ZFPM2: variants seen among roughly 807,000 people sequenced by gnomAD.
ZFPM2 encodes the protein zinc finger protein, FOG family member 2, also known as zinc finger protein ZFPM2.
ZFPM2 carries 20 observed loss-of-function variants against 98.6 expected under a neutral mutation model. The ratio of observed to expected loss-of-function variants is 0.20; its 90% CI spans 0.14 to 0.29. The LOEUF (loss-of-function observed/expected upper bound fraction) is 0.29. Ranked by LOEUF, ZFPM2 falls within the 10% of genes least tolerant of loss-of-function variation. The pLI is 1.00. For missense variants in ZFPM2, 1,310 were observed against 1,388.6 expected (o/e 0.94, Z 0.90); for synonymous variants, 518 against 502.7 (o/e 1.03, Z -0.41).
chr8:105,587,701 C>G (rs921064680), intron 4 of ZFPM2, among the ~76,000 whole-genome samples: 5 of 152,038 alleles, frequency 3.3e-5, no homozygotes, highest in Non-Finnish European at 7.4e-5. Flanking sequence ...AAATTAGGAA[C>G]CAGAAATTAT....
At chr8:105,723,202 G>T (rs1246101113) in intron 5 of ZFPM2, among the ~76,000 whole-genome samples, 1 of 151,492 alleles carries the variant, frequency 6.6e-6, no homozygotes, top group Non-Finnish European at 1.5e-5. Context: ...ATTCTTGATT[G>T]GCTCTGTTGA....
intron 1 of ZFPM2, among the ~76,000 whole-genome samples, chr8:105,398,185 GT>G (rs887780612): frequency 1.3e-5 from 2 of 152,060 alleles, no homozygotes; most frequent in African/African-American, 4.8e-5. Flanking sequence ...AGCAAACTTG[GT>G]TTTTTGGTTT....
intron 3 of ZFPM2, among the ~76,000 whole-genome samples, chr8:105,526,890 T>G (rs2130567841): frequency 6.6e-6 from 1 of 152,306 alleles, no homozygotes; most frequent in South Asian, 2.1e-4. Flanking sequence ...AACATGGGTC[T>G]CATCCTGTCC....
At chr8:105,735,076 A>G (rs1452049009) in intron 5 of ZFPM2, among the ~76,000 whole-genome samples, 1 of 148,206 alleles carries the variant, frequency 6.7e-6, no homozygotes, top group African/African-American at 2.5e-5. Context: ...TTCCCTTTGC[A>G]CCAACCTAAT....
chr8:105,520,560 A>G (rs1254878891), intron 3 of ZFPM2, among the ~76,000 whole-genome samples: 1 of 152,134 alleles, frequency 6.6e-6, no homozygotes, highest in African/African-American at 2.4e-5. Flanking sequence ...TTATATATGT[A>G]TAGATGACAT....
chr8:105,726,905 A>G (rs1243039213), intron 5 of ZFPM2, among the ~76,000 whole-genome samples: 1 of 151,710 alleles, frequency 6.6e-6, no homozygotes, highest in East Asian at 2.0e-4. Context: ...GGGAGAATGT[A>G]TAGAACATGC....
chr8:105,576,371 A>T (rs1815468651), intron 4 of ZFPM2, among the ~76,000 whole-genome samples: 2 of 152,152 alleles, frequency 1.3e-5, no homozygotes. Context: ...AGATGAGTGA[A>T]TGATAGGGAA....
intron 1 of ZFPM2, among the ~76,000 whole-genome samples, chr8:105,351,550 T>C (rs753907171): frequency 6.6e-6 from 1 of 152,128 alleles, no homozygotes; most frequent in South Asian, 2.1e-4. Context: ...AATCCTTTCA[T>C]TGGAATCAGA....
chr8:105,798,512 T>A, intron 6 of ZFPM2: 1 of 496,358 alleles, frequency 2.0e-6, no homozygotes, highest in Non-Finnish European at 3.6e-6. Flanking sequence ...CCTCTTTCTC[T>A]AGAGTCTGTG....
chr8:105,591,841 A>G (rs1017339185), intron 4 of ZFPM2, among the ~76,000 whole-genome samples: 1 of 152,182 alleles, frequency 6.6e-6, no homozygotes, highest in African/African-American at 2.4e-5. Flanking sequence ...GGAGATGGCA[A>G]ATTTGGTATC....
intron 3 of ZFPM2, among the ~76,000 whole-genome samples, chr8:105,512,833 G>T (rs1471783719): frequency 6.6e-6 from 1 of 152,064 alleles, no homozygotes; most frequent in Non-Finnish European, 1.5e-5. Context: ...AGTACTTGGA[G>T]ATTTTTATAT....
intron 4 of ZFPM2, among the ~76,000 whole-genome samples, chr8:105,591,522 A>T (rs1347271265): frequency 6.6e-6 from 1 of 152,166 alleles, no homozygotes; most frequent in African/African-American, 2.4e-5. Context: ...TACAGTTTTA[A>T]ACTTGTACAC....
chr8:105,370,669 T>C (rs77240963), intron 1 of ZFPM2, among the ~76,000 whole-genome samples: 1 of 152,206 alleles, frequency 6.6e-6, no homozygotes, highest in African/African-American at 2.4e-5. Flanking sequence ...GCACCACAGC[T>C]CCTCTTTTGA....
At chr8:105,576,412 T>C (rs1470248929) in intron 4 of ZFPM2, among the ~76,000 whole-genome samples, 1 of 152,196 alleles carries the variant, frequency 6.6e-6, no homozygotes, top group Non-Finnish European at 1.5e-5. Flanking sequence ...AGTCCAGTGC[T>C]TATCTAGAAA....
chr8:105,442,174 A>G (rs867112230), intron 2 of ZFPM2, among the ~76,000 whole-genome samples: 2 of 131,966 alleles, frequency 1.5e-5, no homozygotes, highest in African/African-American at 6.5e-5. Context: ...TCTACTAAAA[A>G]TACAAAAAAA....
chr8:105,785,868 C>CCATCT lies in ZFPM2; in HGVS notation c.533-2848_533-2844dup, dbSNP rs202200158. Among the ~76,000 whole-genome samples, 341 of 152,036 alleles carry CCATCT rather than the reference C, an allele frequency of 2.2e-3. 1 individual carries two copies. The highest frequency in any genetic ancestry group is 7.9e-3 in the African/African-American group (326 of 41,482). ...CCATCCTGGCTAACACGGTGAAACC[C>CCATCT]CATCTCTACTAAAAATACAAAAAAT... is the stretch of plus-strand genomic sequence containing the variant. On this transcript the variant is annotated intron_variant, in intron 5 of 7. Transcript: ENST00000407775.
chr8:105,792,833 T>G (rs1025018776), intron 6 of ZFPM2, among the ~76,000 whole-genome samples: 13 of 152,236 alleles, frequency 8.5e-5, no homozygotes, highest in Admixed American at 2.6e-4. Context: ...CCTTTACCAT[T>G]ATGTAATGGC....
intron 5 of ZFPM2, among the ~76,000 whole-genome samples, chr8:105,739,254 A>G (rs74498635): frequency 0.019 from 2,926 of 152,196 alleles, 96 homozygotes; most frequent in African/African-American, 0.066. Flanking sequence ...CCATTAAAGA[A>G]TGGTCAAGTA....
chr8:105,653,434 C>G (rs931378954), intron 5 of ZFPM2, among the ~76,000 whole-genome samples: 2 of 152,134 alleles, frequency 1.3e-5, no homozygotes, highest in African/African-American at 4.8e-5. Flanking sequence ...ATAGCTTGTC[C>G]ATATCTAAAT....
Sources: allele counts gnomAD v4.1 joint callset (sites outside exome capture counted in the v4.1 genomes callset), GRCh38; gene constraint gnomAD v4.1.1; transcripts MANE v1.5; gene names NCBI Gene and HGNC (gene_info 2026-07-23, HGNC 2026-07-21).